RXRA: variants seen among roughly 807,000 people sequenced by gnomAD.
RXRA encodes retinoid X receptor alpha, also known as retinoic acid receptor RXR-alpha.
In RXRA, 5 loss-of-function variants were observed where a neutral mutation model predicts 44.5. The ratio of observed to expected loss-of-function variants is 0.11; its 90% CI spans 0.06 to 0.24. The LOEUF (loss-of-function observed/expected upper bound fraction) is 0.24. RXRA is among the 10% of genes least tolerant of loss of function. The pLI is 1.00. For synonymous variants in RXRA, 291 were observed against 271.4 expected (o/e 1.07, Z -0.71); for missense variants, 412 against 646.5 (o/e 0.64, Z 3.93).
intron 1 of RXRA, among the ~76,000 whole-genome samples, chr9:134,360,481 G>A (rs918257965): frequency 6.6e-6 from 1 of 152,186 alleles, no homozygotes. Flanking sequence ...TGCAGCCTCC[G>A]TTTCCCTTTC....
At chr9:134,368,227 C>T (rs1262349203) in intron 1 of RXRA, among the ~76,000 whole-genome samples, 2 of 152,228 alleles carry the variant, frequency 1.3e-5, no homozygotes, top group East Asian at 3.9e-4. Flanking sequence ...CCCACAGTGC[C>T]CTGTGTCCCC....
At chr9:134,335,429 C>A (rs572110576) in intron 1 of RXRA, among the ~76,000 whole-genome samples, 8 of 152,296 alleles carry the variant, frequency 5.3e-5, no homozygotes, top group South Asian at 2.1e-4. Flanking sequence ...TGGATGGATT[C>A]TTTCCAGGGG....
intron 1 of RXRA, among the ~76,000 whole-genome samples, chr9:134,372,334 G>A (rs930568847): frequency 6.6e-6 from 1 of 152,146 alleles, no homozygotes; most frequent in Non-Finnish European, 1.5e-5. Context: ...CTGGATGCTG[G>A]CTTTGCTGTT....
chr9:134,432,423 C>G (rs1441422953), intron 8 of RXRA, among the ~76,000 whole-genome samples: 1 of 152,252 alleles, frequency 6.6e-6, no homozygotes, highest in Admixed American at 6.5e-5. Flanking sequence ...CAACCTCATC[C>G]CCAAGCCTCG....
At position 134,424,795 on chromosome 9, in the gene RXRA, G is replaced by A. The variant is rs1831405987; in HGVS notation, c.910+2990G>A. 1.0e-5 allele frequency: 10 copies of A among 985,342 alleles called. No individual in the cohort carries two copies. The South Asian group carries it at 4.2e-4, about 42-fold the overall frequency. The allele number at this position is 985,342 out of a possible 1,614,324, so 61.0% of individuals were successfully genotyped here. On this transcript the variant is annotated intron_variant, in intron 6 of 9. Transcript: ENST00000481739. ...GCTGAAGGACTCTGTCCCCCTCCAGGGGGCTCAGGTCAGGATCCATGGCTG... is the reference window on the plus strand; with the variant it reads ...GCTGAAGGACTCTGTCCCCCTCCAGAGGGCTCAGGTCAGGATCCATGGCTG...
chr9:134,428,616 C>T (rs1284593410), intron 6 of RXRA, among the ~76,000 whole-genome samples: 1 of 152,106 alleles, frequency 6.6e-6, no homozygotes, highest in East Asian at 1.9e-4. Flanking sequence ...ACCTAACCTT[C>T]CCCCCTGGGA....
intron 1 of RXRA, among the ~76,000 whole-genome samples, chr9:134,394,621 C>T (rs112567053): frequency 0.021 from 3,178 of 152,288 alleles, 55 homozygotes; most frequent in Middle Eastern, 0.054. Context: ...GGATCCCCTG[C>T]GGACTGAGCT....
At chr9:134,394,385 G>A (rs1048402987) in intron 1 of RXRA, among the ~76,000 whole-genome samples, 1 of 152,102 alleles carries the variant, frequency 6.6e-6, no homozygotes, top group African/African-American at 2.4e-5. Context: ...CCCTTTGGGT[G>A]TTGATGGAGC....
At chr9:134,362,900 A>T (rs1002371414) in intron 1 of RXRA, among the ~76,000 whole-genome samples, 2 of 152,244 alleles carry the variant, frequency 1.3e-5, no homozygotes, top group Admixed American at 6.5e-5. Context: ...TCACTCCCAC[A>T]GCGTTGTCCC....
At chr9:134,380,013 A>C in intron 1 of RXRA, 1 of 985,382 alleles carries the variant, frequency 1.0e-6, no homozygotes, top group Non-Finnish European at 1.2e-6. Flanking sequence ...ACTGAAGCCC[A>C]GCAGGGGCTC....
chr9:134,401,389 G>C, intron 1 of RXRA: 2 of 588,718 alleles, frequency 3.4e-6, no homozygotes, highest in Non-Finnish European at 5.9e-6. Flanking sequence ...TCCTGCGTCT[G>C]CCGCAGGCCC....
At chr9:134,344,430 A>G (rs1830124410) in intron 1 of RXRA, among the ~76,000 whole-genome samples, 1 of 152,236 alleles carries the variant, frequency 6.6e-6, no homozygotes, top group Non-Finnish European at 1.5e-5. Flanking sequence ...CAGCAGCTGC[A>G]GGGTGGGGGA....
chr9:134,388,369 C>CT (rs1830752750), intron 1 of RXRA, among the ~76,000 whole-genome samples: 2 of 152,118 alleles, frequency 1.3e-5, no homozygotes, highest in African/African-American at 4.8e-5. Flanking sequence ...GTCAGGCACT[C>CT]TGAGCGTCTC....
chr9:134,434,795 G>A (rs900872108), intron 9 of RXRA, among the ~76,000 whole-genome samples: 2 of 150,364 alleles, frequency 1.3e-5, no homozygotes, highest in Non-Finnish European at 2.9e-5. Flanking sequence ...CAAAGTCAGC[G>A]CTCCAGATTC....
At chr9:134,355,225 G>T (rs1830268865) in intron 1 of RXRA, among the ~76,000 whole-genome samples, 1 of 152,216 alleles carries the variant, frequency 6.6e-6, no homozygotes, top group Non-Finnish European at 1.5e-5. Flanking sequence ...GCTGTGCTGT[G>T]GGTGCCAGGT....
chr9:134,422,852 G>T (rs1448143319), intron 6 of RXRA: 2 of 985,358 alleles, frequency 2.0e-6, no homozygotes, highest in Non-Finnish European at 2.4e-6. Context: ...GGAGAGGGAG[G>T]CTGGCTGTGT....
chr9:134,415,715 TG>T (rs1831222971), intron 4 of RXRA, among the ~76,000 whole-genome samples: 2 of 152,074 alleles, frequency 1.3e-5, no homozygotes, highest in Non-Finnish European at 2.9e-5. Flanking sequence ...CCCAGCACAC[TG>T]GCAGGAGGGC....
chr9:134,407,517 CGGCAGCGT>C lies in RXRA; in HGVS notation c.280-630_280-623del, dbSNP rs1564288394. Among the ~76,000 whole-genome samples the C allele has an allele frequency of 6.6e-6, 1 of 152,172 alleles. No individual in the cohort carries two copies. Among genetic ancestry groups the C allele is most frequent in the Non-Finnish European group, 1.5e-5 (1 of 68,022 alleles). Reference sequence around the variant, plus strand: ...GGTGAGTTTCCCACGCTTGCCCGGGCGGCAGCGTGCGGGCCGGCGGGTGGGGCGGAGGG... The same window carrying C: ...GGTGAGTTTCCCACGCTTGCCCGGGCGCGGGCCGGCGGGTGGGGCGGAGGG... On this transcript the variant is annotated intron_variant, in intron 2 of 9. Coordinates refer to ENST00000481739, the MANE Select transcript of RXRA (RefSeq NM_002957.6). The surrounding 1 kb of genome is among the most constrained non-coding windows in gnomAD (Gnocchi z 4.8).
intron 1 of RXRA, among the ~76,000 whole-genome samples, chr9:134,329,564 G>A (rs1834971326): frequency 6.6e-6 from 1 of 152,200 alleles, no homozygotes; most frequent in African/African-American, 2.4e-5. Context: ...GACGAGCTGG[G>A]CCCCTAGGAA....
Sources: gnomAD v4.1 joint callset for allele counts (sites outside exome capture counted in the v4.1 genomes callset) on GRCh38, gnomAD v4.1.1 for gene constraint, Gnocchi (gnomAD v3.1) non-coding constraint, MANE v1.5 for transcripts, NCBI Gene and HGNC (gene_info 2026-07-23, HGNC 2026-07-21) for gene names.